Variants in CTNNA3 observed in about 807,000 individuals in gnomAD.
CTNNA3 encodes catenin alpha 3.
In CTNNA3, 76 loss-of-function variants were observed where a neutral mutation model predicts 95.7. The observed-to-expected ratio is 0.79, with a 90% CI of 0.66 to 0.96. CTNNA3 has a LOEUF of 0.96. Ranked by LOEUF, CTNNA3 falls within the 40% of genes least tolerant of loss-of-function variation. CTNNA3 has a pLI of 0.00. For synonymous variants in CTNNA3, 431 were observed against 374.4 expected (o/e 1.15, Z -1.74); for missense variants, 1,191 against 1,089.8 (o/e 1.09, Z -1.31).
At chr10:66,881,505 A>G (rs1470888785) in intron 7 of CTNNA3, among the ~76,000 whole-genome samples, 3 of 152,122 alleles carry the variant, frequency 2.0e-5, no homozygotes, top group Non-Finnish European at 1.5e-5. Flanking sequence ...GACTCACACC[A>G]TATAACATGA....
chr10:66,381,981 G>C (rs1370253634), intron 11 of CTNNA3, among the ~76,000 whole-genome samples: 1 of 152,134 alleles, frequency 6.6e-6, no homozygotes, highest in Non-Finnish European at 1.5e-5. Context: ...GGCCAAATAG[G>C]AGCAGCTCCG....
chr10:67,649,304 A>C (rs1302413782), intron 1 of CTNNA3, among the ~76,000 whole-genome samples: 1 of 152,190 alleles, frequency 6.6e-6, no homozygotes, highest in African/African-American at 2.4e-5. Flanking sequence ...CCAAAGCTAC[A>C]TGGCCACCAG....
chr10:66,360,715 C>T (rs1366249573), intron 12 of CTNNA3, among the ~76,000 whole-genome samples: 1 of 59,286 alleles, frequency 1.7e-5, no homozygotes, highest in African/African-American at 5.0e-5. Flanking sequence ...TTTCCTCCTT[C>T]CTTTCTTCCT....
chr10:67,450,718 A>T (rs1846947897), intron 5 of CTNNA3, among the ~76,000 whole-genome samples: 1 of 152,126 alleles, frequency 6.6e-6, no homozygotes, highest in African/African-American at 2.4e-5. Flanking sequence ...TAGTCTGTAC[A>T]ACAAACCACT....
chr10:66,350,976 T>C (rs1316413462), intron 12 of CTNNA3, among the ~76,000 whole-genome samples: 1 of 152,070 alleles, frequency 6.6e-6, no homozygotes, highest in East Asian at 1.9e-4. Context: ...AGCCATACTT[T>C]AGTGATTTCC....
intron 5 of CTNNA3, among the ~76,000 whole-genome samples, chr10:67,369,077 C>T (rs1164684938): frequency 6.6e-6 from 1 of 152,092 alleles, no homozygotes; most frequent in Non-Finnish European, 1.5e-5. Flanking sequence ...GCCTGGGCAA[C>T]ACAGCAAAAC....
intron 5 of CTNNA3, among the ~76,000 whole-genome samples, chr10:67,459,118 T>C (rs1296621505): frequency 6.6e-6 from 1 of 152,218 alleles, no homozygotes; most frequent in Admixed American, 6.5e-5. Flanking sequence ...TTTAACCATA[T>C]ATTCCATGTT....
intron 1 of CTNNA3, chr10:67,648,688 T>C (rs1839791604): frequency 4.1e-6 from 5 of 1,206,270 alleles, no homozygotes; most frequent in Non-Finnish European, 3.3e-6. Flanking sequence ...GTTATTGGCA[T>C]ATGATACATC....
At chr10:67,703,358 T>C (rs1306951110) in intron 1 of CTNNA3, among the ~76,000 whole-genome samples, 1 of 152,116 alleles carries the variant, frequency 6.6e-6, no homozygotes, top group African/African-American at 2.4e-5. Flanking sequence ...TTGATGAACA[T>C]TGATGCAAAA....
chr10:67,713,086 AG>A (rs368184979), intron 1 of CTNNA3, among the ~76,000 whole-genome samples: 6,580 of 152,290 alleles, frequency 0.043, 205 homozygotes, highest in African/African-American at 0.092. Flanking sequence ...GAAATTTACA[AG>A]AAAAAAACAA....
At chr10:65,978,559 C>T (rs1436843250) in intron 16 of CTNNA3, among the ~76,000 whole-genome samples, 4 of 151,616 alleles carry the variant, frequency 2.6e-5, no homozygotes, top group African/African-American at 9.7e-5. Context: ...ACTTACACAA[C>T]ACAAACTACA....
chr10:67,467,472 T>TA lies in CTNNA3; in HGVS notation c.579+54369dup, dbSNP rs150721366. The stretch of plus-strand genomic sequence containing the variant: ...CATGCCATTCAAATATTGCTTTTTT[T>TA]AAAAAAAAATCCTTTATTATCTACC... On this transcript the variant is annotated intron_variant, in intron 5 of 17. Coordinates refer to ENST00000433211, the MANE Select transcript of CTNNA3 (RefSeq NM_013266.4). 0.028 allele frequency among the ~76,000 whole-genome samples: 4,176 copies of TA among 151,500 alleles called. 380 individuals carry two copies. The East Asian group carries it at 0.34, about 12-fold the overall frequency.
chr10:66,484,653 T>C (rs1323554050), intron 11 of CTNNA3, among the ~76,000 whole-genome samples: 1 of 151,966 alleles, frequency 6.6e-6, no homozygotes, highest in Admixed American at 6.6e-5. Context: ...GACTACAACA[T>C]GATGAACTGC....
intron 2 of CTNNA3, among the ~76,000 whole-genome samples, chr10:67,608,884 A>G (rs1229108654): frequency 6.6e-6 from 1 of 152,040 alleles, no homozygotes; most frequent in Non-Finnish European, 1.5e-5. Flanking sequence ...TGAGGTCGGG[A>G]GTTCAAGACC....
chr10:65,936,053 G>A (rs1006356900), intron 17 of CTNNA3, among the ~76,000 whole-genome samples: 8 of 152,024 alleles, frequency 5.3e-5, no homozygotes, highest in Admixed American at 1.3e-4. Context: ...TTGGTTTCAG[G>A]CTTTTCAATT....
At chr10:67,391,161 G>A (rs893114318) in intron 5 of CTNNA3, among the ~76,000 whole-genome samples, 14 of 152,132 alleles carry the variant, frequency 9.2e-5, no homozygotes, top group African/African-American at 2.4e-4. Context: ...AAACCCCATT[G>A]TCTCAGCCCA....
chr10:66,939,551 A>T (rs76553409), intron 7 of CTNNA3, among the ~76,000 whole-genome samples: 5,739 of 152,180 alleles, frequency 0.038, 140 homozygotes, highest in Middle Eastern at 0.078. Flanking sequence ...TAATTTTGTA[A>T]ATTATAGTTT....
At chr10:67,088,620 T>A (rs1321994090) in intron 7 of CTNNA3, among the ~76,000 whole-genome samples, 1 of 152,072 alleles carries the variant, frequency 6.6e-6, no homozygotes, top group Non-Finnish European at 1.5e-5. Context: ...TAAATGCATT[T>A]TGATGCAAGG....
At chr10:67,080,163 A>G (rs1005612416) in intron 7 of CTNNA3, among the ~76,000 whole-genome samples, 22 of 152,168 alleles carry the variant, frequency 1.4e-4, no homozygotes, top group Non-Finnish European at 8.8e-5. Context: ...CCCTCTTCTC[A>G]AGAAAGAAAA....
Sources: gnomAD v4.1 joint callset for allele counts (sites outside exome capture counted in the v4.1 genomes callset) on GRCh38, gnomAD v4.1.1 for gene constraint, MANE v1.5 for transcripts, NCBI Gene and HGNC (gene_info 2026-07-23, HGNC 2026-07-21) for gene names.